Variants in NUMA1 observed in about 807,000 individuals in gnomAD.
NUMA1 encodes SP-H antigen.
In NUMA1, 62 loss-of-function variants were observed where a neutral mutation model predicts 237.1. The ratio of observed to expected loss-of-function variants is 0.26; its 90% CI spans 0.21 to 0.32. The LOEUF (loss-of-function observed/expected upper bound fraction) is 0.32, where lower values mean the gene tolerates loss of function less well. Among genes scored for constraint, NUMA1 ranks in the 10% least tolerant of loss-of-function variants. The probability of loss-of-function intolerance (pLI) is 1.00; values close to 1 mark genes in which losing one functional copy is unlikely to be tolerated. For synonymous variants in NUMA1, 1,028 were observed against 1,066.1 expected, an observed-to-expected ratio of 0.96 and a Z score of 0.70; for missense variants, 2,533 against 2,666.5, an observed-to-expected ratio of 0.95 and a Z score of 1.10.
At chr11:72,051,616 T>A (rs1448461669) in intron 2 of NUMA1, among the ~76,000 whole-genome samples, 2 of 151,908 alleles carry the variant, frequency 1.3e-5, no homozygotes, top group Non-Finnish European at 2.9e-5. Flanking sequence ...GGGCTACCGG[T>A]GTGCAGGACC....
intron 1 of NUMA1, among the ~76,000 whole-genome samples, chr11:72,071,602 G>A (rs1210782417): frequency 1.3e-5 from 2 of 152,176 alleles, no homozygotes; most frequent in Non-Finnish European, 2.9e-5. Flanking sequence ...ATCTGAACAA[G>A]TATTATATAC....
intron 3 of NUMA1, among the ~76,000 whole-genome samples, chr11:72,033,744 G>A (rs564598831): frequency 1.6e-4 from 24 of 152,168 alleles, no homozygotes; most frequent in Non-Finnish European, 3.1e-4. Flanking sequence ...TCTTAGGCCA[G>A]GCGCAGTGGC....
At position 72,014,767 on chromosome 11, in the gene NUMA1, G is replaced by T. The variant is rs368955060; in HGVS notation, c.2736C>A (p.Thr912=). The change falls in exon 15 of 27, where the codon ACC becomes ACA. Residue 912 remains threonine (T), a synonymous_variant. Transcript: ENST00000393695. This position sits in a 1 kb window ranked among gnomAD's most constrained non-coding sequence, Gnocchi z 4.6. The stretch of plus-strand genomic sequence containing the variant: ...TCTCCAAGCGGGCCACCTCTTTGCT[G>T]GTGGCAGCCATCTTTTCCTGCAGAG... The part of the protein sequence containing the change: ...LSTLQEKMAA[T]SKEVARLETL... The T allele has an allele frequency of 2.7e-5, 44 of 1,614,022 alleles. No individual in the cohort carries two copies. In the African/African-American group the frequency reaches 5.3e-4, roughly 20 times the overall value.
rs1590854962 is a variant in NUMA1 at position 72,005,134 on chromosome 11, G to A, written c.5829+99C>T. On this transcript the variant is annotated intron_variant, in intron 23 of 26. Coordinates refer to ENST00000393695, the MANE Select transcript of NUMA1 (RefSeq NM_006185.4). Reference sequence around the variant, plus strand: ...AGGTCACCCTCCCCCTCCTCGGCCAGTCAGTGATCCAGGGCCCTAGTGCTC... The same window carrying A: ...AGGTCACCCTCCCCCTCCTCGGCCAATCAGTGATCCAGGGCCCTAGTGCTC... The A allele has an allele frequency of 6.0e-6, 8 of 1,333,892 alleles. No homozygotes were observed. In the Admixed American group the frequency reaches 1.5e-4, roughly 26 times the overall value. 82.6% of individuals were successfully genotyped at this position (1,333,892 alleles called of 1,614,324 possible).
intron 21 of NUMA1, among the ~76,000 whole-genome samples, chr11:72,006,581 T>G (rs1955729589): frequency 1.3e-5 from 2 of 152,166 alleles, no homozygotes; most frequent in African/African-American, 2.4e-5. Context: ...TAGCCCCAAA[T>G]CACACTGCTA....
Position 72,014,425 on chromosome 11 carries a change from GGCC to G in NUMA1, c.3075_3077del (p.Ala1026del), listed in dbSNP as rs1565210446. On this transcript the variant is annotated inframe_deletion, in exon 15 of 27. Coordinates refer to ENST00000393695, the MANE Select transcript of NUMA1 (RefSeq NM_006185.4). The surrounding 1 kb of genome is among the most constrained non-coding windows in gnomAD (Gnocchi z 4.6). The stretch of plus-strand genomic sequence containing the variant: ...GCAGCCGCATCTCAAGCTCTGCTCT[GGCC>G]GCCTTCTCCAGGGCAAGGTCAGCCT... 4 of 1,608,228 alleles carry G rather than the reference GGCC, an allele frequency of 2.5e-6. No individual in the cohort carries two copies. Among genetic ancestry groups the G allele is most frequent in the Non-Finnish European group, 3.4e-6 (4 of 1,180,002 alleles).
chr11:72,063,263 G>C (rs908369446), intron 2 of NUMA1, among the ~76,000 whole-genome samples: 3 of 151,528 alleles, frequency 2.0e-5, no homozygotes, highest in African/African-American at 7.3e-5. Context: ...CACACCTGTG[G>C]TCCCAGTTAC....
At chr11:72,040,924 G>A (rs955267671) in intron 2 of NUMA1, 2 of 152,084 alleles carry the variant, frequency 1.3e-5, no homozygotes, top group Non-Finnish European at 2.9e-5. Flanking sequence ...GAGAAAGAGT[G>A]AGGGAGAAAA....
rs1590901808 is a variant in NUMA1, at chr11:72,014,117, A to G, written c.3386T>C (p.Val1129Ala). The change falls in exon 15 of 27, where the codon GTG (valine) becomes GCG (alanine). Residue 1129 changes from valine (V) to alanine (A), a missense_variant. This residue lies in a region of NUMA1 where 1,414 missense variants were observed against 1,508.1 expected (regional missense o/e 0.94). Coordinates refer to ENST00000393695, the MANE Select transcript of NUMA1 (RefSeq NM_006185.4). The surrounding 1 kb of genome is among the most constrained non-coding windows in gnomAD (Gnocchi z 4.6). The part of the protein sequence containing the change: ...GPKLEALRAE[V>A]SKLEQQCQKQ... ...CTGGCATTGCTGTTCCAGCTTGCTC[A>G]CCTCTGCCCGCAGTGCCTCCAGCTT... 1 of 1,611,726 alleles carries G rather than the reference A, an allele frequency of 6.2e-7. No homozygotes were observed. The highest frequency in any genetic ancestry group is 8.5e-7 in the Non-Finnish European group (1 of 1,179,988).
chr11:72,016,589 C>A (rs547302177), intron 13 of NUMA1, 59 bp from the exon 14 acceptor site: 6 of 1,581,262 alleles, frequency 3.8e-6, no homozygotes, highest in East Asian at 2.2e-5. Context: ...GATTACCACA[C>A]AAGCCCTCAT....
At chr11:72,021,924 T>C (rs1402135569) in intron 7 of NUMA1, among the ~76,000 whole-genome samples, 1 of 152,178 alleles carries the variant, frequency 6.6e-6, no homozygotes, top group African/African-American at 2.4e-5. Context: ...AGGAAGCTTT[T>C]ATATATAACT....
chr11:72,004,732 G>A lies in NUMA1; in HGVS notation c.5914C>T (p.Pro1972Ser). 6.2e-7 allele frequency: 1 copy of A among 1,613,150 alleles called. No homozygotes were observed. Among genetic ancestry groups the A allele is most frequent in the Non-Finnish European group, 8.5e-7 (1 of 1,179,716 alleles). The stretch of plus-strand genomic sequence containing the variant: ...CCAGTGCCCTCGGCTATCTGGATTG[G>A]CTGCATGCTGGCTCGGCGCAGGGTC... ...QETLRRASMQ[P>S]IQIAEGTGIT... Residue 1972 changes from proline to serine, a missense_variant, in exon 24 of 27, where the codon CCA (proline) becomes TCA (serine). Around this residue, in one of 3 missense-constraint regions of NUMA1, gnomAD observed 795 missense variants for 750.8 expected, o/e 1.06. Coordinates refer to ENST00000393695, the MANE Select transcript of NUMA1 (RefSeq NM_006185.4).
At chr11:72,066,075 G>A (rs1269359796) in intron 2 of NUMA1, 1 of 152,506 alleles carries the variant, frequency 6.6e-6, no homozygotes, top group Non-Finnish European at 1.5e-5. Context: ...GGAGGCCGAG[G>A]TGGGCGGATT....
chr11:72,038,888 C>T (rs1454793202), intron 2 of NUMA1, among the ~76,000 whole-genome samples: 2 of 152,022 alleles, frequency 1.3e-5, no homozygotes, highest in African/African-American at 2.4e-5. Flanking sequence ...AAAGAAATTC[C>T]CCCAGAATCT....
At chr11:72,068,019 C>T (rs1943275986) in intron 2 of NUMA1, 1 of 152,164 alleles carries the variant, frequency 6.6e-6, no homozygotes, top group Admixed American at 6.5e-5. Flanking sequence ...CTAACAACAA[C>T]AAAAAAATCA....
chr11:72,013,509 A>C lies in NUMA1; in HGVS notation c.3994T>G (p.Trp1332Gly), dbSNP rs1956288038. 1 of 1,613,286 alleles carries C rather than the reference A, an allele frequency of 6.2e-7. No homozygotes were observed. The highest frequency in any genetic ancestry group is 8.5e-7 in the Non-Finnish European group (1 of 1,180,004). Residue 1332 changes from tryptophan (W) to glycine (G), a missense_variant, in exon 15 of 27, where the codon TGG becomes GGG. Trp to Gly is a radical substitution (Grantham distance 184, BLOSUM62 -2). Coordinates refer to ENST00000393695, the MANE Select transcript of NUMA1 (RefSeq NM_006185.4). The surrounding 1 kb of genome is among the most constrained non-coding windows in gnomAD (Gnocchi z 6.8). ...AEELGQELKA[W>G]QEKFFQKEQA... Reference sequence around the variant, plus strand: ...TCTTTCTGGAAGAACTTCTCCTGCCACGCCTTCAATTCTTGGCCCAGCTCC... The same window carrying C: ...TCTTTCTGGAAGAACTTCTCCTGCCCCGCCTTCAATTCTTGGCCCAGCTCC...
At chr11:72,024,896 G>A (rs1245426169) in intron 4 of NUMA1, 1 of 150,374 alleles carries the variant, frequency 6.7e-6, no homozygotes, top group African/African-American at 2.6e-5. Context: ...CTAGAGTGTT[G>A]TTTGTTTGTT....
In NUMA1 at chr11:72,022,325, G is replaced by A. The variant is rs1417745264; in HGVS notation, c.372+14C>T. 1.3e-6 allele frequency: 2 copies of A among 1,592,470 alleles called. No individual in the cohort carries two copies. The highest frequency in any genetic ancestry group is 2.2e-5 in the East Asian group (1 of 44,478). On this transcript the variant is annotated intron_variant, in intron 7 of 26. Transcript: ENST00000393695. ...GCTAGGCCTGCTAGGTGGCATGGAG[G>A]CACAAGGGCTTACCTGAATTTTATA...
At chr11:72,005,504 G>T (rs74748609) in intron 22 of NUMA1, 135 bp from the exon 23 acceptor site, 1 of 771,384 alleles carries the variant, frequency 1.3e-6, no homozygotes, top group East Asian at 2.7e-5. Flanking sequence ...ATTCAGTGCC[G>T]CAGGTGCAGG....
Sources: gnomAD v4.1 joint callset for allele counts (sites outside exome capture counted in the v4.1 genomes callset) on GRCh38, gnomAD v4.1.1 for gene constraint, gnomAD v4.1.1 regional missense constraint, Gnocchi (gnomAD v3.1) non-coding constraint, MANE v1.5 for transcripts, NCBI Gene and HGNC (gene_info 2026-07-23, HGNC 2026-07-21) for gene names.